Variants in KLF7 observed in about 807,000 individuals in gnomAD.
KLF7 encodes KLF transcription factor 7.
Under a neutral mutation model 27.3 loss-of-function variants are expected in KLF7, and 2 were observed. That is an observed-to-expected ratio of 0.07 (90% confidence interval 0.03 to 0.23). The LOEUF (loss-of-function observed/expected upper bound fraction) is 0.23, where lower values mean the gene tolerates loss of function less well. KLF7 is among the 10% of genes least tolerant of loss of function. The pLI is 1.00. For missense variants in KLF7, 221 were observed against 394.1 expected (o/e 0.56, Z 3.72); for synonymous variants, 165 against 162.4 (o/e 1.02, Z -0.12).
chr2:207,078,648 G>GGCT lies in KLF7; in HGVS notation c.*2562_*2564dup, dbSNP rs1299265024. The stretch of plus-strand genomic sequence containing the variant: ...GGCGTGTGCGTGCATTCATGCTGGA[G>GGCT]GCTGCTACATAAAGGAAAAGAAAGG... On this transcript the variant is annotated 3_prime_UTR_variant, in exon 4 of 4. Coordinates refer to ENST00000309446, the MANE Select transcript of KLF7 (RefSeq NM_003709.4). 1 of 152,342 alleles carries GGCT rather than the reference G, an allele frequency of 6.6e-6. No individual in the cohort carries two copies. The allele number at this position is 152,342 out of a possible 1,614,324, so 9.4% of individuals were successfully genotyped here.
At chr2:207,113,615 G>T (rs1000800422) in intron 2 of KLF7, among the ~76,000 whole-genome samples, 1 of 129,346 alleles carries the variant, frequency 7.7e-6, no homozygotes, top group South Asian at 3.2e-4. Flanking sequence ...GGTGGGGGGG[G>T]GGGGGAAATG....
chr2:207,134,294 C>G (rs1253628697), intron 1 of KLF7, among the ~76,000 whole-genome samples: 1 of 151,366 alleles, frequency 6.6e-6, no homozygotes, highest in East Asian at 2.0e-4. Context: ...ACGATTACTT[C>G]TTGTACTCCA....
intron 2 of KLF7, among the ~76,000 whole-genome samples, chr2:207,100,627 C>T (rs1017706095): frequency 6.6e-6 from 1 of 152,190 alleles, no homozygotes; most frequent in Non-Finnish European, 1.5e-5. Context: ...CTTTCTCACT[C>T]GCTGGGATGT....
At chr2:207,165,445 A>C (rs1402799612) in intron 1 of KLF7, 22 bp downstream of exon 1, 1 of 1,614,074 alleles carries the variant, frequency 6.2e-7, no homozygotes. Context: ...CACGATTTAC[A>C]CAAGTAATTT....
Position 207,080,831 on chromosome 2 carries a change from C to A in KLF7, c.*382G>T. The A allele has an allele frequency of 2.5e-6, 1 of 405,846 alleles. No individual in the cohort carries two copies. The highest frequency in any genetic ancestry group is 3.5e-5 in the East Asian group (1 of 28,450). The allele number at this position is 405,846 out of a possible 1,614,324, so 25.1% of individuals were successfully genotyped here. The stretch of plus-strand genomic sequence containing the variant: ...TGAAATAAGCCCCTCGGACTGCCGT[C>A]CACCTGCACAGACGTCACATCCATT... On this transcript the variant is annotated 3_prime_UTR_variant, in exon 4 of 4. Coordinates refer to ENST00000309446, the MANE Select transcript of KLF7 (RefSeq NM_003709.4).
chr2:207,168,834 T>C (rs1208307288), upstream of KLF7, among the ~76,000 whole-genome samples: 1 of 152,184 alleles, frequency 6.6e-6, no homozygotes, highest in East Asian at 1.9e-4. Flanking sequence ...AAGATTCACA[T>C]TGCAAAACAC....
intron 1 of KLF7, among the ~76,000 whole-genome samples, chr2:207,136,356 C>T (rs900207292): frequency 8.5e-5 from 13 of 152,190 alleles, no homozygotes; most frequent in African/African-American, 1.4e-4. Flanking sequence ...GGACACTTCT[C>T]GCATAAATGC....
chr2:207,087,372 A>G (rs1216221333), intron 3 of KLF7, among the ~76,000 whole-genome samples: 2 of 152,208 alleles, frequency 1.3e-5, no homozygotes, highest in African/African-American at 4.8e-5. Context: ...GGGAGCACTA[A>G]GCCAACGTGA....
At chr2:207,101,249 C>T (rs1323297843) in intron 2 of KLF7, among the ~76,000 whole-genome samples, 1 of 152,198 alleles carries the variant, frequency 6.6e-6, no homozygotes, top group Non-Finnish European at 1.5e-5. Context: ...AATGACACTG[C>T]TAGAGATTAA....
intron 3 of KLF7, among the ~76,000 whole-genome samples, chr2:207,085,491 C>G (rs775546799): frequency 1.3e-5 from 2 of 152,192 alleles, no homozygotes; most frequent in Non-Finnish European, 2.9e-5. Flanking sequence ...ACTTATCCCT[C>G]TAGCCACTGG....
chr2:207,085,280 C>G (rs1022498060), intron 3 of KLF7, among the ~76,000 whole-genome samples: 12 of 149,048 alleles, frequency 8.1e-5, no homozygotes, highest in African/African-American at 3.0e-4. Flanking sequence ...TTTCTTACCA[C>G]TTATAAGTGG....
rs761752548 is a variant in KLF7, at chr2:207,123,928, G to A, written c.579C>T (p.Ala193=). The A allele has an allele frequency of 9.3e-6, 15 of 1,613,846 alleles. No homozygotes were observed. The highest frequency in any genetic ancestry group is 8.3e-5 in the Admixed American group (5 of 60,000). Residue 193 remains alanine, a synonymous_variant, in exon 2 of 4, where the codon GCC becomes GCT. Coordinates refer to ENST00000309446, the MANE Select transcript of KLF7 (RefSeq NM_003709.4). ...CACTGTCGCTCTGTCCACTCTTAAC[G>A]GCCCCCGCAGCCGTCACGGCTGCTG... ...TAAAAVTAAG[A]VKSGQSDSDQ...
At chr2:207,138,087 C>A (rs1206990200) in intron 1 of KLF7, among the ~76,000 whole-genome samples, 2 of 152,160 alleles carry the variant, frequency 1.3e-5, no homozygotes, top group Non-Finnish European at 2.9e-5. Flanking sequence ...TTCAGGCACA[C>A]CAGACTCTCA....
rs1212947072 is a variant in KLF7, at chr2:207,081,266, T to C, written c.858-2A>G. ...AGATGGTCAGACCTGGAAAAACACC[T>C]AGGAGATATAAACAACAAGGATATT... On this transcript the variant is annotated splice_acceptor_variant, in intron 3 of 3. Coordinates refer to ENST00000309446, the MANE Select transcript of KLF7 (RefSeq NM_003709.4). LOFTEE classifies it high-confidence loss of function. The C allele has an allele frequency of 1.2e-6, 2 of 1,612,754 alleles. No homozygotes were observed. Among genetic ancestry groups the C allele is most frequent in the African/African-American group, 1.3e-5 (1 of 74,868 alleles).
chr2:207,150,205 CATATT>C (rs898114598), intron 1 of KLF7, among the ~76,000 whole-genome samples: 152 of 152,280 alleles, frequency 1.0e-3, no homozygotes, highest in African/African-American at 3.5e-3. Context: ...TAAAGAGAAG[CATATT>C]ATATCTATCC....
chr2:207,140,729 T>C (rs1214913444), intron 1 of KLF7, among the ~76,000 whole-genome samples: 7 of 152,184 alleles, frequency 4.6e-5, no homozygotes, highest in African/African-American at 1.7e-4. Flanking sequence ...GTTGTGTCTA[T>C]AATCACCTGT....
At position 207,080,549 on chromosome 2, in the gene KLF7, G is replaced by A. The variant is rs1191177040; in HGVS notation, c.*664C>T. On this transcript the variant is annotated 3_prime_UTR_variant, in exon 4 of 4. Coordinates refer to ENST00000309446, the MANE Select transcript of KLF7 (RefSeq NM_003709.4). Reference sequence around the variant, plus strand: ...ATTCCAGTCTGCCGCCGCTAAGGCCGTTGGGATCGACGCGAAAGATCTCAA... The same window carrying A: ...ATTCCAGTCTGCCGCCGCTAAGGCCATTGGGATCGACGCGAAAGATCTCAA... 3 of 303,518 alleles carry A rather than the reference G, an allele frequency of 9.9e-6. No individual in the cohort carries two copies. Among genetic ancestry groups the A allele is most frequent in the East Asian group, 5.2e-5 (1 of 19,170 alleles). The allele number at this position is 303,518 out of a possible 1,614,324, so 18.8% of individuals were successfully genotyped here.
chr2:207,128,887 G>A (rs1385058123), intron 1 of KLF7, among the ~76,000 whole-genome samples: 1 of 152,186 alleles, frequency 6.6e-6, no homozygotes, highest in Non-Finnish European at 1.5e-5. Flanking sequence ...GCAACTAAAT[G>A]CAATGGATCC....
upstream of KLF7, chr2:207,166,986 C>T: frequency 2.4e-6 from 2 of 827,702 alleles, no homozygotes; most frequent in East Asian, 3.8e-5. Flanking sequence ...TGACCCCGAG[C>T]GAGAGACCTG....
Sources: gnomAD v4.1 joint callset for allele counts (sites outside exome capture counted in the v4.1 genomes callset) on GRCh38, gnomAD v4.1.1 for gene constraint, MANE v1.5 for transcripts, NCBI Gene and HGNC (gene_info 2026-07-23, HGNC 2026-07-21) for gene names.